Variants in ASIC4 observed in about 807,000 individuals in gnomAD.
The protein encoded by ASIC4 is acid sensing ion channel subunit family member 4, also known as acid-sensing ion channel 4.
Under a neutral mutation model 53.4 loss-of-function variants are expected in ASIC4, and 28 were observed. The observed-to-expected ratio is 0.52, with a 90% CI of 0.39 to 0.72. ASIC4 has a LOEUF of 0.72. ASIC4 is among the 30% of genes least tolerant of loss of function. The pLI, the probability that ASIC4 is intolerant of heterozygous loss-of-function variation, is 0.00. For synonymous variants in ASIC4, 289 were observed against 301.4 expected (o/e 0.96, Z 0.43); for missense variants, 649 against 729.7 (o/e 0.89, Z 1.27).
intron 1 of ASIC4, among the ~76,000 whole-genome samples, chr2:219,527,652 C>G (rs536930976): frequency 6.6e-6 from 1 of 152,342 alleles, no homozygotes; most frequent in Admixed American, 6.5e-5. Flanking sequence ...CATTTATTTG[C>G]TGTGTGCCCT....
upstream of ASIC4, among the ~76,000 whole-genome samples, chr2:219,513,451 T>C (rs1694727792): frequency 6.6e-6 from 1 of 151,382 alleles, no homozygotes; most frequent in African/African-American, 2.4e-5. Context: ...CTTAGGGCTC[T>C]CCTGCCCCAC....
chr2:219,534,925 C>G (rs192201509), intron 5 of ASIC4, among the ~76,000 whole-genome samples: 3 of 152,142 alleles, frequency 2.0e-5, no homozygotes, highest in Admixed American at 6.5e-5. Flanking sequence ...GACCCCCCCC[C>G]AGTCCCAGGG....
chr2:219,537,397 T>A lies in ASIC4; in HGVS notation c.1401+76T>A, dbSNP rs771219419. 3.3e-6 allele frequency: 5 copies of A among 1,493,024 alleles called. No homozygotes were observed. The highest frequency in any genetic ancestry group is 4.6e-6 in the Non-Finnish European group (5 of 1,094,184). 92.5% of individuals were successfully genotyped at this position (1,493,024 alleles called of 1,614,324 possible). On this transcript the variant is annotated intron_variant, in intron 8 of 9. Transcript: ENST00000358078. This position sits in a 1 kb window ranked among gnomAD's most constrained non-coding sequence, Gnocchi z 4.9. Reference sequence around the variant, plus strand: ...GAAGGGGGCAGTGCGGGGTGCCTGGTGGAGCTGGCCTGGCTGGAAAGTCAG... The same window carrying A: ...GAAGGGGGCAGTGCGGGGTGCCTGGAGGAGCTGGCCTGGCTGGAAAGTCAG...
At position 219,531,844 on chromosome 2, in the gene ASIC4, C is replaced by T. The variant is rs367632421; in HGVS notation, c.669C>T (p.Gly223=). 2.5e-5 allele frequency: 41 copies of T among 1,613,766 alleles called. No individual in the cohort carries two copies. The highest frequency in any genetic ancestry group is 3.1e-5 in the Non-Finnish European group (37 of 1,179,826). The change falls in exon 2 of 10, where the codon GGC becomes GGT. Residue 223 remains glycine, a synonymous_variant. Coordinates refer to ENST00000358078, the MANE Select transcript of ASIC4 (RefSeq NM_018674.6). ...LPSRAGGMGS[G]LEIMLDIQQE... ...GCCGGGCAGGGGGCATGGGCAGTGG[C>T]CTGGAGATCATGCTGGACATCCAGC...
chr2:219,514,579 C>CT lies in ASIC4; in HGVS notation c.-146_-145insT, dbSNP rs1694750089. ...GGGAGTGACTCCCCCACCTCGGGCCCCCACCCTGTCCCTGTCCTCTTCCCG... is the reference window on the plus strand; with the variant it reads ...GGGAGTGACTCCCCCACCTCGGGCCCTCCACCCTGTCCCTGTCCTCTTCCCG... On this transcript the variant is annotated 5_prime_UTR_variant, in exon 1 of 10. Coordinates refer to ENST00000358078, the MANE Select transcript of ASIC4 (RefSeq NM_018674.6). The CT allele has an allele frequency of 1.3e-6, 2 of 1,582,864 alleles. No homozygotes were observed. The highest frequency in any genetic ancestry group is 1.7e-6 in the Non-Finnish European group (2 of 1,164,674).
rs373830372 is a variant in ASIC4 at position 219,520,104 on chromosome 2, C to G, written c.582+4798C>G. ...CAGGCAGCCCCGGGGGGCCAGGAGC[C>G]TGGGGCCCTGTGGGCGCCTCACTAT... On this transcript the variant is annotated intron_variant, in intron 1 of 9. Transcript: ENST00000358078. 5.9e-5 allele frequency among the ~76,000 whole-genome samples: 9 copies of G among 152,192 alleles called. 1 individual carries two copies. The highest frequency in any genetic ancestry group is 2.2e-4 in the African/African-American group (9 of 41,492).
At chr2:219,522,876 A>G (rs1694910034) in intron 1 of ASIC4, among the ~76,000 whole-genome samples, 1 of 151,970 alleles carries the variant, frequency 6.6e-6, no homozygotes, top group South Asian at 2.1e-4. Context: ...AGAGCGGAGG[A>G]GCCCGCAGGA....
intron 3 of ASIC4, 75 bp from the exon 4 acceptor site, chr2:219,532,240 C>A: frequency 6.3e-7 from 1 of 1,597,088 alleles, no homozygotes; most frequent in Non-Finnish European, 8.6e-7. Flanking sequence ...GCTGTGTTGA[C>A]TTTGCTGGGG....
At chr2:219,511,012 C>G (rs915140687), upstream of ASIC4, among the ~76,000 whole-genome samples, 6 of 152,222 alleles carry the variant, frequency 3.9e-5, no homozygotes, top group South Asian at 2.1e-4. The surrounding 1 kb of genome is among the most constrained non-coding windows in gnomAD (Gnocchi z 5.3). Flanking sequence ...CCAGCCCCCC[C>G]ATCCTTGTCC....
chr2:219,530,356 G>A (rs989487599), intron 1 of ASIC4, among the ~76,000 whole-genome samples: 5 of 152,278 alleles, frequency 3.3e-5, no homozygotes, highest in Non-Finnish European at 5.9e-5. Context: ...GCCATCTGCT[G>A]TCCATGCAGG....
chr2:219,523,732 C>G (rs1259251971), intron 1 of ASIC4, among the ~76,000 whole-genome samples: 1 of 152,180 alleles, frequency 6.6e-6, no homozygotes, highest in East Asian at 1.9e-4. Flanking sequence ...AGGATCACAA[C>G]TAGTAACAAT....
At chr2:219,513,538 C>T (rs1694728864), upstream of ASIC4, among the ~76,000 whole-genome samples, 1 of 152,192 alleles carries the variant, frequency 6.6e-6, no homozygotes. Flanking sequence ...CTTCCTGCTC[C>T]CTTCCACGCC....
rs1415963825 is a variant in ASIC4, at chr2:219,532,947, C to A, written c.1075+8C>A. The A allele has an allele frequency of 6.2e-7, 1 of 1,613,666 alleles. No homozygotes were observed. Among genetic ancestry groups the A allele is most frequent in the African/African-American group, 1.3e-5 (1 of 75,032 alleles). On this transcript the variant is annotated splice_region_variant and intron_variant, in intron 5 of 9. Transcript: ENST00000358078. ...GTGCAGACCACACACTGGGTCCGTG[C>A]TGCCTACCCTTTCCTACCTCTCCAT... is the stretch of plus-strand genomic sequence containing the variant.
At chr2:219,510,860 C>T (rs1408654659), upstream of ASIC4, among the ~76,000 whole-genome samples, 1 of 151,520 alleles carries the variant, frequency 6.6e-6, no homozygotes, top group Non-Finnish European at 1.5e-5. This position sits in a 1 kb window ranked among gnomAD's most constrained non-coding sequence, Gnocchi z 5.2. Flanking sequence ...CTCTGGGACT[C>T]TCATTAACCG....
chr2:219,512,912 G>A (rs1324143511), upstream of ASIC4, among the ~76,000 whole-genome samples: 2 of 152,216 alleles, frequency 1.3e-5, no homozygotes. Flanking sequence ...TCCATGCTGG[G>A]GTGACCCTGA....
At chr2:219,524,101 G>T (rs1157874750) in intron 1 of ASIC4, among the ~76,000 whole-genome samples, 1 of 152,192 alleles carries the variant, frequency 6.6e-6, no homozygotes, top group Non-Finnish European at 1.5e-5. Context: ...GGGATTACAA[G>T]TGTGAGCCAC....
In ASIC4 at chr2:219,514,484, G is replaced by A; in HGVS notation, c.-241G>A. 1 of 1,550,786 alleles carries A rather than the reference G, an allele frequency of 6.4e-7. No homozygotes were observed. Among genetic ancestry groups the A allele is most frequent in the Non-Finnish European group, 8.7e-7 (1 of 1,146,986 alleles). On this transcript the variant is annotated 5_prime_UTR_variant, in exon 1 of 10. Coordinates refer to ENST00000358078, the MANE Select transcript of ASIC4 (RefSeq NM_018674.6). ...AGGGAAGCCACAAGGAGACGATCGA[G>A]GAGAGAGACAAGCGGCAGCAGAGGC...
chr2:219,532,597 G>A (rs1411520265), intron 4 of ASIC4, 120 bp downstream of exon 4: 326 of 1,336,934 alleles, frequency 2.4e-4, no homozygotes, highest in Non-Finnish European at 3.1e-4. Context: ...GTATGTGTCT[G>A]TACCCGTGTG....
At chr2:219,532,789 T>C in intron 4 of ASIC4, 94 bp from the exon 5 acceptor site, 1 of 1,177,804 alleles carries the variant, frequency 8.5e-7, no homozygotes, top group Admixed American at 1.9e-5. Flanking sequence ...AATGTGTGCA[T>C]ATGTGTGTGC....
Sources: allele counts gnomAD v4.1 joint callset (sites outside exome capture counted in the v4.1 genomes callset), GRCh38; gene constraint gnomAD v4.1.1; non-coding constraint Gnocchi (gnomAD v3.1); transcripts MANE v1.5; gene names NCBI Gene and HGNC (gene_info 2026-07-23, HGNC 2026-07-21).